Variants in GRM7 observed in about 807,000 individuals in gnomAD.
The protein encoded by GRM7 is glutamate metabotropic receptor 7, also known as metabotropic glutamate receptor 7.
In GRM7, 35 loss-of-function variants were observed where a neutral mutation model predicts 84.5. That is an observed-to-expected ratio of 0.41 (90% CI 0.32 to 0.55). The LOEUF is 0.55. Among genes scored for constraint, GRM7 ranks in the 20% least tolerant of loss-of-function variants. The pLI, the probability that GRM7 is intolerant of heterozygous loss-of-function variation, is 0.19. For missense variants in GRM7, 1,003 were observed against 1,194.6 expected (o/e 0.84, Z 2.36); for synonymous variants, 487 against 455.1 (o/e 1.07, Z -0.89).
intron 7 of GRM7, among the ~76,000 whole-genome samples, chr3:7,488,851 G>A (rs997504478): frequency 5.8e-5 from 5 of 86,908 alleles, no homozygotes; most frequent in African/African-American, 2.2e-4. Flanking sequence ...CACTGATCTA[G>A]TAAGGTCTTA....
chr3:7,107,243 G>A (rs1290474653), intron 1 of GRM7, among the ~76,000 whole-genome samples: 1 of 152,026 alleles, frequency 6.6e-6, no homozygotes, highest in Admixed American at 6.6e-5. Context: ...TTCACCTCCG[G>A]AGTATACAGT....
chr3:7,501,026 T>G (rs2124964472), intron 7 of GRM7, among the ~76,000 whole-genome samples: 1 of 152,340 alleles, frequency 6.6e-6, no homozygotes, highest in African/African-American at 2.4e-5. Flanking sequence ...GATTTTAGGC[T>G]TTTATTGCAC....
chr3:7,713,136 T>G (rs2324211), intron 9 of GRM7, among the ~76,000 whole-genome samples: 1,040 of 83,540 alleles, frequency 0.012, 20 homozygotes, highest in East Asian at 0.063. Flanking sequence ...TTTTTTTTTT[T>G]TTTTTTTTTT....
chr3:7,462,425 C>A (rs1698286273), intron 7 of GRM7, among the ~76,000 whole-genome samples: 1 of 152,194 alleles, frequency 6.6e-6, no homozygotes, highest in African/African-American at 2.4e-5. Flanking sequence ...ACAGACACAC[C>A]TAGAATATTC....
At chr3:6,974,922 G>A (rs1019687522) in intron 1 of GRM7, among the ~76,000 whole-genome samples, 3 of 152,090 alleles carry the variant, frequency 2.0e-5, no homozygotes, top group Non-Finnish European at 4.4e-5. Flanking sequence ...GTGCTTTGGG[G>A]GCATATTGGG....
At chr3:7,552,953 G>T (rs541707372) in intron 7 of GRM7, among the ~76,000 whole-genome samples, 1 of 152,282 alleles carries the variant, frequency 6.6e-6, no homozygotes, top group Admixed American at 6.5e-5. Context: ...CTCTTTCCTT[G>T]TAATCAGGCT....
intron 7 of GRM7, among the ~76,000 whole-genome samples, chr3:7,534,193 T>C (rs1391467850): frequency 6.6e-6 from 1 of 152,130 alleles, no homozygotes; most frequent in Non-Finnish European, 1.5e-5. Flanking sequence ...TTTGTATTTT[T>C]AGTACAGACA....
chr3:7,244,503 T>G (rs1330703506), intron 2 of GRM7, among the ~76,000 whole-genome samples: 1 of 151,984 alleles, frequency 6.6e-6, no homozygotes, highest in Non-Finnish European at 1.5e-5. Flanking sequence ...AACTGTCCAT[T>G]TTTTTTGAAG....
At chr3:6,952,525 A>G (rs753966004) in intron 1 of GRM7, among the ~76,000 whole-genome samples, 4 of 152,110 alleles carry the variant, frequency 2.6e-5, no homozygotes, top group Non-Finnish European at 5.9e-5. Context: ...TCTTCAACTG[A>G]AGAAGTCTTT....
rs577944733 is a variant in GRM7, at chr3:7,298,641, CTG to C, written c.737-40_737-39del. 7.3e-3 allele frequency: 11,479 copies of C among 1,573,320 alleles called. 56 individuals carry two copies. The highest frequency in any genetic ancestry group is 8.4e-3 in the Non-Finnish European group (9,692 of 1,147,978). On this transcript the variant is annotated intron_variant, in intron 2 of 9. Coordinates refer to ENST00000357716, the MANE Select transcript of GRM7 (RefSeq NM_000844.4). ...ACCTTCCTTGGCTCCTTTGACATCT[CTG>C]TGGAAACATTATTGACACTATGTTT... is the stretch of plus-strand genomic sequence containing the variant.
chr3:6,968,070 A>G (rs1005616672), intron 1 of GRM7, among the ~76,000 whole-genome samples: 7 of 152,236 alleles, frequency 4.6e-5, no homozygotes, highest in African/African-American at 7.2e-5. Context: ...GTGGGCTTGA[A>G]CAAAAACAAA....
chr3:7,564,635 G>A (rs143149335), intron 7 of GRM7, among the ~76,000 whole-genome samples: 14 of 152,210 alleles, frequency 9.2e-5, no homozygotes, highest in South Asian at 4.1e-4. Context: ...TGTATTGACC[G>A]TTGGAGCCAT....
At chr3:7,445,490 G>A (rs11718573) in intron 5 of GRM7, among the ~76,000 whole-genome samples, 3 of 151,952 alleles carry the variant, frequency 2.0e-5, no homozygotes, top group African/African-American at 7.3e-5. Flanking sequence ...CACGTGCTGC[G>A]GGTGGTGCTG....
intron 1 of GRM7, among the ~76,000 whole-genome samples, chr3:7,120,380 G>A (rs1218341561): frequency 6.6e-6 from 1 of 151,948 alleles, no homozygotes; most frequent in Non-Finnish European, 1.5e-5. Context: ...AAAATTTGGG[G>A]TACCCACTCT....
chr3:7,615,776 C>G (rs1322863518), intron 8 of GRM7, among the ~76,000 whole-genome samples: 2 of 152,024 alleles, frequency 1.3e-5, no homozygotes, highest in Non-Finnish European at 2.9e-5. Flanking sequence ...GCTTGCCTCT[C>G]TCTGATTTTT....
At chr3:7,105,189 T>C (rs1699249310) in intron 1 of GRM7, among the ~76,000 whole-genome samples, 2 of 152,022 alleles carry the variant, frequency 1.3e-5, no homozygotes, top group South Asian at 4.1e-4. Flanking sequence ...TAATGAATTT[T>C]TTTTTTAAAC....
chr3:7,005,729 A>C (rs967395694), intron 1 of GRM7, among the ~76,000 whole-genome samples: 11 of 152,244 alleles, frequency 7.2e-5, no homozygotes, highest in Non-Finnish European at 1.3e-4. Context: ...CTTCAGATAC[A>C]GAAAAATCCA....
At chr3:7,392,198 G>T (rs1695029314) in intron 4 of GRM7, among the ~76,000 whole-genome samples, 2 of 152,174 alleles carry the variant, frequency 1.3e-5, no homozygotes. Context: ...GACCAAGGGA[G>T]CAGACTAGAA....
At chr3:7,711,366 C>A (rs906395225) in intron 9 of GRM7, among the ~76,000 whole-genome samples, 4 of 152,100 alleles carry the variant, frequency 2.6e-5, no homozygotes, top group Non-Finnish European at 2.9e-5. Flanking sequence ...GGCCCTGAGG[C>A]AGGTACAGAT....
Sources: allele counts gnomAD v4.1 joint callset (sites outside exome capture counted in the v4.1 genomes callset), GRCh38; gene constraint gnomAD v4.1.1; transcripts MANE v1.5; gene names NCBI Gene and HGNC (gene_info 2026-07-23, HGNC 2026-07-21).